The following CES4A variants were observed in gnomAD, a reference collection of about 807,000 sequenced individuals.
CES4A encodes carboxylesterase 6.
Under a neutral mutation model 65.4 loss-of-function variants are expected in CES4A, and 48 were observed. The ratio of observed to expected loss-of-function variants is 0.73; its 90% confidence interval spans 0.58 to 0.93. The LOEUF (loss-of-function observed/expected upper bound fraction) is 0.93. CES4A is among the 40% of genes least tolerant of loss of function. The pLI is 0.00. For synonymous variants in CES4A, 247 were observed against 281.8 expected (o/e 0.88, Z 1.24); for missense variants, 685 against 728.5 (o/e 0.94, Z 0.69).
chr16:66,996,101 G>A lies in CES4A; in HGVS notation c.260+272G>A, dbSNP rs560705804. On this transcript the variant is annotated intron_variant, in intron 2 of 13. Coordinates refer to ENST00000648724, the Ensembl canonical transcript of CES4A. ...TCGCCAGGCTGGAGTGCAGTGGCACGATCTCGGCTCACTGCAACCTCCGCC... is the reference window on the plus strand; with the variant it reads ...TCGCCAGGCTGGAGTGCAGTGGCACAATCTCGGCTCACTGCAACCTCCGCC... 1,204 of 546,790 alleles carry A rather than the reference G, an allele frequency of 2.2e-3. 7 individuals are homozygous for A. Among genetic ancestry groups the A allele is most frequent in the African/African-American group, 0.019 (1,004 of 53,482 alleles). The allele number at this position is 546,790 out of a possible 1,614,324, so 33.9% of individuals were successfully genotyped here.
intron 13 of CES4A, 58 bp downstream of exon 13, chr16:67,006,875 A>C: frequency 6.6e-7 from 1 of 1,506,642 alleles, no homozygotes. Context: ...GGACCTGAAG[A>C]AGCCAGCTGC....
Position 67,001,382 on chromosome 16 carries a change from A to G in CES4A, c.611A>G (p.Asn204Ser), listed in dbSNP as rs375223325. ...GCGGCTCTGCGCTGGGTGCAGGAGA[A>G]CATCGCAGCCTTCGGGGGAGACCCA... is the stretch of plus-strand genomic sequence containing the variant. Residue 204 changes from asparagine to serine, a missense_variant, in exon 5 of 14, where the codon AAC becomes AGC. Coordinates refer to ENST00000648724, the Ensembl canonical transcript of CES4A. The surrounding 1 kb of genome is among the most constrained non-coding windows in gnomAD (Gnocchi z 4.1). 15 of 1,613,480 alleles carry G rather than the reference A, an allele frequency of 9.3e-6. No individual in the cohort carries two copies. In the African/African-American group the frequency reaches 1.5e-4, roughly 16 times the overall value.
chr16:66,993,931 C>T (rs901896721), intron 1 of CES4A, among the ~76,000 whole-genome samples: 64 of 151,654 alleles, frequency 4.2e-4, no homozygotes, highest in Non-Finnish European at 7.8e-4. Flanking sequence ...GAAACCGTGT[C>T]TCTACTAAAA....
chr16:66,999,124 C>T (rs114861138), intron 2 of CES4A, among the ~76,000 whole-genome samples: 467 of 152,280 alleles, frequency 3.1e-3, no homozygotes, highest in African/African-American at 0.011. Context: ...ACCACATTAG[C>T]TGCTGCCAAA....
At chr16:66,996,192 A>G (rs944342009) in intron 2 of CES4A, 3 of 382,272 alleles carry the variant, frequency 7.8e-6, no homozygotes, top group Non-Finnish European at 1.5e-5. Context: ...ACGTGCCACC[A>G]TGCACACCTA....
At chr16:66,998,639 C>T (rs1006704141) in intron 2 of CES4A, among the ~76,000 whole-genome samples, 7 of 152,012 alleles carry the variant, frequency 4.6e-5, no homozygotes, top group African/African-American at 1.4e-4. Context: ...GAGGAAGAGG[C>T]GGGTGGATCA....
At chr16:67,006,038 G>C (rs186487652) in intron 11 of CES4A, 99 of 243,164 alleles carry the variant, frequency 4.1e-4, no homozygotes, top group African/African-American at 1.6e-3. Context: ...CAGGTTAAAG[G>C]GGGGGGGGCT....
At chr16:66,999,256 T>C (rs1281731962) in intron 2 of CES4A, among the ~76,000 whole-genome samples, 1 of 152,198 alleles carries the variant, frequency 6.6e-6, no homozygotes, top group Non-Finnish European at 1.5e-5. Flanking sequence ...CAGGGTGTCC[T>C]GCGCCCAATC....
rs1490833170 is a variant in CES4A at position 67,003,595 on chromosome 16, C to A, written c.939+42C>A. ...CTGCAATTTGAGTATTTATTTAACACCTACTTTGTGCCAGGCACTTGGGAT... is the reference window on the plus strand; with the variant it reads ...CTGCAATTTGAGTATTTATTTAACAACTACTTTGTGCCAGGCACTTGGGAT... On this transcript the variant is annotated intron_variant, in intron 8 of 13. Coordinates refer to ENST00000648724, the Ensembl canonical transcript of CES4A. The surrounding 1 kb of genome is among the most constrained non-coding windows in gnomAD (Gnocchi z 4.2). 2.6e-6 allele frequency: 4 copies of A among 1,534,924 alleles called. No individual in the cohort carries two copies. The Admixed American group carries it at 6.7e-5, about 26-fold the overall frequency.
chr16:67,000,572 T>C lies in CES4A; in HGVS notation c.261-66T>C. On this transcript the variant is annotated intron_variant, in intron 2 of 13. Coordinates refer to ENST00000648724, the Ensembl canonical transcript of CES4A. This position sits in a 1 kb window ranked among gnomAD's most constrained non-coding sequence, Gnocchi z 4.2. ...CCTGGATTTTGCTTTGGGTTCCGTC[T>C]TCTCACTGCGGACCCTGGATTGAAA... is the stretch of plus-strand genomic sequence containing the variant. 1 of 1,499,542 alleles carries C rather than the reference T, an allele frequency of 6.7e-7. No individual in the cohort carries two copies. Among genetic ancestry groups the C allele is most frequent in the Non-Finnish European group, 8.9e-7 (1 of 1,118,810 alleles). 92.9% of individuals were successfully genotyped at this position (1,499,542 alleles called of 1,614,324 possible).
chr16:67,001,423 T>C lies in CES4A; in HGVS notation c.652T>C (p.Phe218Leu), dbSNP rs1391223418. The C allele has an allele frequency of 6.2e-7, 1 of 1,612,952 alleles. No homozygotes were observed. The highest frequency in any genetic ancestry group is 8.5e-7 in the Non-Finnish European group (1 of 1,179,588). ...GGGAGACCCAGGAAATGTGACCCTGTTCGGCCAGTCGGCGGGGGCCATGAG... is the reference window on the plus strand; with the variant it reads ...GGGAGACCCAGGAAATGTGACCCTGCTCGGCCAGTCGGCGGGGGCCATGAG... The change falls in exon 5 of 14, where the codon TTC (phenylalanine) becomes CTC (leucine). Residue 218 changes from phenylalanine to leucine, a missense_variant. Phe to Leu is a conservative substitution (Grantham distance 22). Coordinates refer to ENST00000648724, the Ensembl canonical transcript of CES4A. This position sits in a 1 kb window ranked among gnomAD's most constrained non-coding sequence, Gnocchi z 4.1.
At position 66,995,157 on chromosome 16, in the gene CES4A, A is replaced by G. The variant is rs1032157177; in HGVS notation, c.59-471A>G. Among the ~76,000 whole-genome samples the G allele has an allele frequency of 2.2e-4, 34 of 151,806 alleles. No individual in the cohort carries two copies. In the East Asian group the frequency reaches 5.5e-3, roughly 24 times the overall value. On this transcript the variant is annotated intron_variant, in intron 1 of 13. Transcript: ENST00000648724. The stretch of plus-strand genomic sequence containing the variant: ...AAACACCGCCTCTACTAAAAATACA[A>G]AAATTAGCCGGGTGTGGTGGCGGGC...
chr16:67,003,210 A>G lies in CES4A; in HGVS notation c.795+36A>G, dbSNP rs1168647078. 1 of 1,612,422 alleles carries G rather than the reference A, an allele frequency of 6.2e-7. No individual in the cohort carries two copies. Among genetic ancestry groups the G allele is most frequent in the Admixed American group, 1.7e-5 (1 of 60,032 alleles). Reference sequence around the variant, plus strand: ...CTCCTTCCCCAGGGCTCAGCATGGAAGGGCAGGATGGAAGCACCACTGAGC... The same window carrying G: ...CTCCTTCCCCAGGGCTCAGCATGGAGGGGCAGGATGGAAGCACCACTGAGC... On this transcript the variant is annotated intron_variant, in intron 6 of 13. Transcript: ENST00000648724. The surrounding 1 kb of genome is among the most constrained non-coding windows in gnomAD (Gnocchi z 4.2).
At chr16:66,995,863 C>A in intron 2 of CES4A, 34 bp downstream of exon 2, 1 of 1,581,200 alleles carries the variant, frequency 6.3e-7, no homozygotes, top group Non-Finnish European at 8.7e-7. Context: ...TGGGAGGGGG[C>A]AATGGGCCTA....
chr16:67,009,220 C>G lies in CES4A; in HGVS notation c.*78C>G, dbSNP rs954538148. Reference sequence around the variant, plus strand: ...CCTGGGGAGACTAGCCATGGACATACCTGGGGACAAGAGTTCTACCCACCC... The same window carrying G: ...CCTGGGGAGACTAGCCATGGACATAGCTGGGGACAAGAGTTCTACCCACCC... On this transcript the variant is annotated 3_prime_UTR_variant, in exon 14 of 14. Transcript: ENST00000648724. 2.4e-5 allele frequency: 33 copies of G among 1,399,480 alleles called. No homozygotes were observed. The African/African-American group carries it at 3.9e-4, about 17-fold the overall frequency. 86.7% of individuals were successfully genotyped at this position (1,399,480 alleles called of 1,614,324 possible). A position where few individuals can be genotyped will look rare whatever the true frequency, so the allele number is the denominator to read the frequency against.
In CES4A at chr16:67,001,160, G is replaced by A. The variant is rs1965307028; in HGVS notation, c.537-148G>A. Reference sequence around the variant, plus strand: ...GGGCGCTCCATACCATCTGGATGGGGCGAGCTAACTCCAAGGAAGGGGGTG... The same window carrying A: ...GGGCGCTCCATACCATCTGGATGGGACGAGCTAACTCCAAGGAAGGGGGTG... On this transcript the variant is annotated intron_variant, in intron 4 of 13. Transcript: ENST00000648724. This position sits in a 1 kb window ranked among gnomAD's most constrained non-coding sequence, Gnocchi z 4.1. The A allele has an allele frequency of 2.8e-5, 38 of 1,366,968 alleles. No individual in the cohort carries two copies. The South Asian group carries it at 5.4e-4, about 20-fold the overall frequency. The allele number at this position is 1,366,968 out of a possible 1,614,324, so 84.7% of individuals were successfully genotyped here.
chr16:67,004,843 T>C, exon 10 of CES4A: 6 of 1,536,036 alleles, frequency 3.9e-6, no homozygotes, highest in Non-Finnish European at 5.2e-6. Flanking sequence ...AAACCATCAC[T>C]AAGATGCTCT....
rs568946227 is a variant in CES4A, at chr16:67,001,288, A to G, written c.537-20A>G. The G allele has an allele frequency of 1.3e-5, 20 of 1,578,608 alleles. No homozygotes were observed. In the South Asian group the frequency reaches 2.2e-4, roughly 17 times the overall value. Reference sequence around the variant, plus strand: ...GACTGTCGAGGCCCGGGACCCTGACAGTGAACCCCACACGCCCAGCACGGA... The same window carrying G: ...GACTGTCGAGGCCCGGGACCCTGACGGTGAACCCCACACGCCCAGCACGGA... On this transcript the variant is annotated intron_variant, in intron 4 of 13. Coordinates refer to ENST00000648724, the Ensembl canonical transcript of CES4A. The surrounding 1 kb of genome is among the most constrained non-coding windows in gnomAD (Gnocchi z 4.1).
chr16:67,001,067 C>A lies in CES4A; in HGVS notation c.536+77C>A, dbSNP rs1456929051. ...ACTGGGTGGGAAGGGAGGGGCGGGG[C>A]CTGGGGCGGGGATGGGGGGGGTGGG... On this transcript the variant is annotated intron_variant, in intron 4 of 13. Transcript: ENST00000648724. This position sits in a 1 kb window ranked among gnomAD's most constrained non-coding sequence, Gnocchi z 4.1. The A allele has an allele frequency of 5.1e-6, 1 of 194,558 alleles. No homozygotes were observed. The highest frequency in any genetic ancestry group is 9.4e-6 in the Non-Finnish European group (1 of 106,030). 12.1% of individuals were successfully genotyped at this position (194,558 alleles called of 1,614,324 possible).
Sources: allele counts gnomAD v4.1 joint callset (sites outside exome capture counted in the v4.1 genomes callset), GRCh38; gene constraint gnomAD v4.1.1; non-coding constraint Gnocchi (gnomAD v3.1); transcripts MANE v1.5; gene names NCBI Gene and HGNC (gene_info 2026-07-23, HGNC 2026-07-21).